RARB: variants seen among roughly 807,000 people sequenced by gnomAD.
RARB encodes HBV-activated protein.
A neutral mutation model predicts 51.9 loss-of-function variants in RARB; 17 were observed. The observed-to-expected ratio is 0.33, with a 90% CI of 0.22 to 0.49. The LOEUF (loss-of-function observed/expected upper bound fraction) is 0.49. RARB is among the 20% of genes least tolerant of loss of function. RARB has a pLI of 0.99. For synonymous variants in RARB, 215 were observed against 195.4 expected (o/e 1.10, Z -0.84); for missense variants, 369 against 550.8 (o/e 0.67, Z 3.30).
chr3:25,050,044 C>T (rs75602063), intron 2 of RARB, among the ~76,000 whole-genome samples: 3,444 of 151,942 alleles, frequency 0.023, 117 homozygotes, highest in African/African-American at 0.077. Context: ...GTATTTAATC[C>T]GGATTTTAAA....
At chr3:25,385,733 C>A (rs116633011) in intron 5 of RARB, among the ~76,000 whole-genome samples, 1 of 152,294 alleles carries the variant, frequency 6.6e-6, no homozygotes, top group East Asian at 1.9e-4. Flanking sequence ...GCCTGCCCTA[C>A]GCTCCTTCTG....
intron 5 of RARB, among the ~76,000 whole-genome samples, chr3:25,366,916 T>A (rs1176716635): frequency 6.6e-6 from 1 of 152,062 alleles, no homozygotes; most frequent in East Asian, 1.9e-4. Flanking sequence ...ATTTAACCAT[T>A]TTTTTTTCTT....
intron 2 of RARB, among the ~76,000 whole-genome samples, chr3:24,931,375 TC>T (rs1171602263): frequency 6.6e-6 from 1 of 152,056 alleles, no homozygotes; most frequent in Non-Finnish European, 1.5e-5. Flanking sequence ...TGGCCCTATT[TC>T]CTACCTTATT....
chr3:25,148,006 A>T (rs550226050), intron 4 of RARB, among the ~76,000 whole-genome samples: 1 of 152,336 alleles, frequency 6.6e-6, no homozygotes, highest in African/African-American at 2.4e-5. Context: ...TTTGAACCAC[A>T]TTCCTCCTCT....
intron 5 of RARB, among the ~76,000 whole-genome samples, chr3:25,192,576 T>C (rs1701129437): frequency 6.6e-6 from 1 of 152,108 alleles, no homozygotes. Context: ...AGTGGTTCTC[T>C]ACTTGGGGCA....
At chr3:25,028,178 G>C (rs1697791568) in intron 2 of RARB, among the ~76,000 whole-genome samples, 1 of 152,094 alleles carries the variant, frequency 6.6e-6, no homozygotes, top group Non-Finnish European at 1.5e-5. Context: ...ATGTCTCCTG[G>C]AAACTCATTA....
At chr3:25,262,880 T>C (rs372377925) in intron 5 of RARB, among the ~76,000 whole-genome samples, 7 of 152,210 alleles carry the variant, frequency 4.6e-5, no homozygotes, top group African/African-American at 1.7e-4. Flanking sequence ...TGTGCTTACC[T>C]CTATCATTCC....
intron 2 of RARB, among the ~76,000 whole-genome samples, chr3:25,002,791 T>C (rs1439257399): frequency 2.0e-5 from 3 of 151,982 alleles, no homozygotes; most frequent in East Asian, 3.9e-4. Context: ...TGGACAAATA[T>C]CTTAACCTTT....
At chr3:25,005,449 T>C (rs1281790601) in intron 2 of RARB, among the ~76,000 whole-genome samples, 1 of 152,140 alleles carries the variant, frequency 6.6e-6, no homozygotes, top group African/African-American at 2.4e-5. Flanking sequence ...GGTGACTCGC[T>C]TAAAGTGCCA....
intron 2 of RARB, among the ~76,000 whole-genome samples, chr3:24,963,483 G>T (rs551035490): frequency 6.8e-6 from 1 of 148,010 alleles, no homozygotes; most frequent in Non-Finnish European, 1.5e-5. Flanking sequence ...TCTTACTCTC[G>T]CCTCCCCTGA....
At chr3:25,042,373 C>T (rs139509879) in intron 2 of RARB, among the ~76,000 whole-genome samples, 11 of 152,240 alleles carry the variant, frequency 7.2e-5, no homozygotes, top group African/African-American at 2.6e-4. Flanking sequence ...TGTCCAGAGC[C>T]AAGACTATTG....
At chr3:25,091,569 C>T (rs571339857) in intron 3 of RARB, among the ~76,000 whole-genome samples, 11 of 152,190 alleles carry the variant, frequency 7.2e-5, no homozygotes, top group African/African-American at 2.4e-4. Context: ...AATTAGGTTT[C>T]GGTTTGTTTA....
intron 2 of RARB, among the ~76,000 whole-genome samples, chr3:24,993,680 A>G (rs1431498122): frequency 1.3e-5 from 2 of 152,166 alleles, no homozygotes; most frequent in East Asian, 1.9e-4. Context: ...CAACCTTCTC[A>G]GTCTCTCAAA....
intron 5 of RARB, among the ~76,000 whole-genome samples, chr3:25,175,420 T>C (rs1394322007): frequency 6.6e-6 from 1 of 152,226 alleles, no homozygotes; most frequent in Non-Finnish European, 1.5e-5. Flanking sequence ...TAACTCTTCC[T>C]GGTGATTGTT....
At chr3:25,344,140 T>A (rs1197876899) in intron 5 of RARB, among the ~76,000 whole-genome samples, 2 of 152,160 alleles carry the variant, frequency 1.3e-5, no homozygotes, top group Non-Finnish European at 2.9e-5. Context: ...GCCTCAGGGG[T>A]GATGGGGCAT....
At chr3:25,541,887 A>G (rs889907591) in intron 3 of RARB, among the ~76,000 whole-genome samples, 4 of 151,928 alleles carry the variant, frequency 2.6e-5, no homozygotes, top group Admixed American at 2.0e-4. Flanking sequence ...CTAGCTGAGA[A>G]CTCTGCTATT....
chr3:25,455,070 G>T (rs1176110064), intron 1 of RARB, among the ~76,000 whole-genome samples: 1 of 152,200 alleles, frequency 6.6e-6, no homozygotes, highest in African/African-American at 2.4e-5. Context: ...CAACCTCTGA[G>T]TTTGAAGTCC....
intron 5 of RARB, among the ~76,000 whole-genome samples, chr3:25,267,817 T>C (rs187861610): frequency 6.6e-6 from 1 of 152,316 alleles, no homozygotes; most frequent in East Asian, 1.9e-4. Context: ...ATCAGAACAT[T>C]ATATATGATA....
chr3:25,530,813 G>T (rs949665593), intron 3 of RARB, among the ~76,000 whole-genome samples: 2 of 152,136 alleles, frequency 1.3e-5, no homozygotes, highest in African/African-American at 4.8e-5. Context: ...AGTGGGATGG[G>T]GGAGGCATTA....
Sources: allele counts gnomAD v4.1 joint callset (sites outside exome capture counted in the v4.1 genomes callset), GRCh38; gene constraint gnomAD v4.1.1; transcripts MANE v1.5; gene names NCBI Gene and HGNC (gene_info 2026-07-23, HGNC 2026-07-21).